Variants in MRPL4 observed in about 807,000 individuals in gnomAD.
MRPL4 encodes mitochondrial ribosomal protein L4.
Under a neutral mutation model 34.1 loss-of-function variants are expected in MRPL4, and 34 were observed. The ratio of observed to expected loss-of-function variants is 1.00; its 90% CI spans 0.76 to 1.33. MRPL4 has a LOEUF of 1.33. Ranked by LOEUF, MRPL4 falls within the 40% of genes most tolerant of loss-of-function variation. The pLI is 0.00. For missense variants in MRPL4, 402 were observed against 434.6 expected, an observed-to-expected ratio of 0.92 and a Z score of 0.67; for synonymous variants, 196 against 188.3, an observed-to-expected ratio of 1.04 and a Z score of -0.33.
rs767562774 is a variant in MRPL4 at position 10,256,804 on chromosome 19, C to T, written c.424C>T (p.Arg142Cys). 1.4e-5 allele frequency: 21 copies of T among 1,516,960 alleles called. No individual in the cohort carries two copies. The highest frequency in any genetic ancestry group is 1.4e-4 in the East Asian group (5 of 36,726). 94.0% of individuals were successfully genotyped at this position (1,516,960 alleles called of 1,614,324 possible). A position where few individuals can be genotyped will look rare whatever the true frequency, so the allele number is the denominator to read the frequency against. The change falls in exon 5 of 9, where the codon CGC (arginine) becomes TGC (cysteine). Residue 142 changes from arginine to cysteine, a missense_variant. By Grantham distance (180) the Arg-to-Cys change is radical. Transcript: ENST00000253099. ...TGGGCGGGCCCGGCATGGCAGCATCCGCTCTCCGCTCTGGCGAGGAGGTAA... is the reference window on the plus strand; with the variant it reads ...TGGGCGGGCCCGGCATGGCAGCATCTGCTCTCCGCTCTGGCGAGGAGGTAA... ...GTGRARHGSI[R>C]SPLWRGGGVA...
chr19:10,257,516 C>T (rs1225238529), intron 5 of MRPL4, among the ~76,000 whole-genome samples: 1 of 152,052 alleles, frequency 6.6e-6, no homozygotes, highest in Non-Finnish European at 1.5e-5. Flanking sequence ...CTTTTCTGCC[C>T]TGCCGGAATG....
rs753936362 is a variant in MRPL4, at chr19:10,259,843, G to A, written c.*30G>A. 2 of 1,569,342 alleles carry A rather than the reference G, an allele frequency of 1.3e-6. No homozygotes were observed. Among genetic ancestry groups the A allele is most frequent in the East Asian group, 2.3e-5 (1 of 43,252 alleles). On this transcript the variant is annotated 3_prime_UTR_variant, in exon 9 of 9. Coordinates refer to ENST00000253099, the MANE Select transcript of MRPL4 (RefSeq NM_015956.3). ...AAGCACCTCTTCTGAGCCAGGCCGA[G>A]CCCCTGGCCGACTTGGGAGCCTCAG...
chr19:10,255,604 C>T (rs1202952624), intron 4 of MRPL4: 1 of 152,650 alleles, frequency 6.6e-6, no homozygotes, highest in African/African-American at 2.4e-5. Flanking sequence ...GGGGAGGAGT[C>T]TGGGTTTTGT....
chr19:10,258,993 G>C lies in MRPL4; in HGVS notation c.739+308G>C, dbSNP rs1196411285. On this transcript the variant is annotated intron_variant, in intron 8 of 8. Coordinates refer to ENST00000253099, the MANE Select transcript of MRPL4 (RefSeq NM_015956.3). ...TGTGCACCTGTAGTCCCAGCTACTC[G>C]GGGGCTGAGCCAGGCGGATAGCTTG... is the stretch of plus-strand genomic sequence containing the variant. 21 of 1,411,828 alleles carry C rather than the reference G, an allele frequency of 1.5e-5. No individual in the cohort carries two copies. The East Asian group carries it at 5.3e-4, about 36-fold the overall frequency. 87.5% of individuals were successfully genotyped at this position (1,411,828 alleles called of 1,614,324 possible).
intron 4 of MRPL4, among the ~76,000 whole-genome samples, chr19:10,256,169 C>G (rs1256195244): frequency 6.6e-6 from 1 of 152,060 alleles, no homozygotes; most frequent in Non-Finnish European, 1.5e-5. Context: ...GCCTGTAGTC[C>G]CAGCTACTCT....
upstream of MRPL4, chr19:10,252,151 A>G (rs1461093379): frequency 7.3e-7 from 1 of 1,370,616 alleles, no homozygotes; most frequent in Non-Finnish European, 9.7e-7. Context: ...TCCAGCGCGG[A>G]GTCGCGGCGG....
In MRPL4 at chr19:10,259,651, G is replaced by A. The variant is rs143832772; in HGVS notation, c.774G>A (p.Thr258=). ...TGCACAGCATGCTCAAGCACCAGAC[G>A]CTGGTCCTGACGCTGCCCACCGTCG... ...LNVHSMLKHQ[T]LVLTLPTVAF... The change falls in exon 9 of 9, where the codon ACG becomes ACA. Residue 258 remains threonine (T), a synonymous_variant. Coordinates refer to ENST00000253099, the MANE Select transcript of MRPL4 (RefSeq NM_015956.3). The A allele has an allele frequency of 3.3e-5, 47 of 1,415,056 alleles. No homozygotes were observed. Among genetic ancestry groups the A allele is most frequent in the East Asian group, 6.8e-5 (2 of 29,326 alleles). The allele number at this position is 1,415,056 out of a possible 1,614,324, so 87.7% of individuals were successfully genotyped here. A position where few individuals can be genotyped will look rare whatever the true frequency, so the allele number is the denominator to read the frequency against.
intron 5 of MRPL4, 124 bp from the exon 6 acceptor site, chr19:10,258,098 C>A: frequency 1.5e-6 from 1 of 663,854 alleles, no homozygotes; most frequent in South Asian, 1.8e-5. Flanking sequence ...TGAGGCCCCA[C>A]CCTCTCTGCC....
intron 8 of MRPL4, 130 bp downstream of exon 8, chr19:10,258,815 AGC>A: frequency 6.3e-7 from 1 of 1,598,284 alleles, no homozygotes; most frequent in Non-Finnish European, 8.5e-7. Context: ...CCCAACCTTC[AGC>A]TTGCCCAAAG....
chr19:10,259,951 G>T lies in MRPL4; in HGVS notation c.*138G>T. ...GCTGAGGCCACAGGGAGCGGCCATC[G>T]CCATTGGGAAGGGGCGACTCCACGG... On this transcript the variant is annotated 3_prime_UTR_variant, in exon 9 of 9. Coordinates refer to ENST00000253099, the MANE Select transcript of MRPL4 (RefSeq NM_015956.3). The T allele has an allele frequency of 1.4e-6, 1 of 730,310 alleles. No individual in the cohort carries two copies. 45.2% of individuals were successfully genotyped at this position (730,310 alleles called of 1,614,324 possible). A position where few individuals can be genotyped will look rare whatever the true frequency, so the allele number is the denominator to read the frequency against.
At chr19:10,259,313 C>CTGCCCTCCCGTCATT in intron 8 of MRPL4, 1 of 1,382,962 alleles carries the variant, frequency 7.2e-7, no homozygotes. Flanking sequence ...CGTCACCTCC[C>CTGCCCTCCCGTCATT]TGCCCTCCCG....
chr19:10,256,459 C>G (rs925489234), intron 4 of MRPL4, among the ~76,000 whole-genome samples: 5 of 151,974 alleles, frequency 3.3e-5, no homozygotes, highest in African/African-American at 1.2e-4. Context: ...AAAAAAAAAT[C>G]AATAGTTCAG....
At chr19:10,259,369 C>T (rs2039886280) in intron 8 of MRPL4, 2 of 1,389,132 alleles carry the variant, frequency 1.4e-6, no homozygotes, top group Non-Finnish European at 1.9e-6. Flanking sequence ...CCAGGAGTCC[C>T]AGCCAGGCAC....
chr19:10,258,842 A>G (rs2039878893), intron 8 of MRPL4, 157 bp downstream of exon 8: 1 of 1,565,284 alleles, frequency 6.4e-7, no homozygotes, highest in Non-Finnish European at 8.6e-7. Context: ...AATCTTTCCT[A>G]AAGAAGTGCT....
intron 3 of MRPL4, among the ~76,000 whole-genome samples, chr19:10,253,470 C>CAAAA (rs571009042): frequency 4.9e-5 from 5 of 102,982 alleles, no homozygotes; most frequent in South Asian, 3.5e-4. Flanking sequence ...CACTCTGTCT[C>CAAAA]AAAAAAAAAA....
chr19:10,255,374 A>T (rs1176042824), intron 4 of MRPL4: 1 of 152,758 alleles, frequency 6.5e-6, no homozygotes, highest in Non-Finnish European at 1.5e-5. Context: ...TCACAGTGTC[A>T]TGGGAGGAGA....
At chr19:10,259,098 C>CAGA in intron 8 of MRPL4, 3 of 539,540 alleles carry the variant, frequency 5.6e-6, no homozygotes, top group Non-Finnish European at 6.3e-6. Flanking sequence ...ACTCTTGTCT[C>CAGA]AAAAAAAAAA....
chr19:10,256,201 G>A (rs2039849719), intron 4 of MRPL4, among the ~76,000 whole-genome samples: 1 of 152,096 alleles, frequency 6.6e-6, no homozygotes, highest in African/African-American at 2.4e-5. Context: ...CAGGAGAATT[G>A]CTTGAACCTG....
Position 10,252,669 on chromosome 19 carries a change from CCTGCA to C in MRPL4, c.245_249del (p.Leu82ProfsTer27). 6.2e-7 allele frequency: 1 copy of C among 1,605,870 alleles called. No individual in the cohort carries two copies. On this transcript the variant is annotated frameshift_variant, in exon 3 of 9. Coordinates refer to ENST00000253099, the MANE Select transcript of MRPL4 (RefSeq NM_015956.3). LOFTEE classifies it high-confidence loss of function. ...AGCAGGAGCGCGTGGGCCTGGCCGA[CCTGCA>C]CCCCGATGTTTTCGCCACCGCGCCC...
Sources: gnomAD v4.1 joint callset for allele counts (sites outside exome capture counted in the v4.1 genomes callset) on GRCh38, gnomAD v4.1.1 for gene constraint, MANE v1.5 for transcripts, NCBI Gene and HGNC (gene_info 2026-07-23, HGNC 2026-07-21) for gene names.